ACAP2: variants seen among roughly 807,000 people sequenced by gnomAD.
ACAP2 encodes arf-GAP with coiled-coil, ANK repeat and PH domain-containing protein 2.
ACAP2 carries 39 observed loss-of-function variants against 115.8 expected under a neutral mutation model. The observed-to-expected ratio is 0.34, with a 90% confidence interval of 0.26 to 0.44. The LOEUF is 0.44. ACAP2 is among the 20% of genes least tolerant of loss of function. The pLI, the probability that ACAP2 is intolerant of heterozygous loss-of-function variation, is 1.00. For synonymous variants in ACAP2, 289 were observed against 315.8 expected, an observed-to-expected ratio of 0.92 and a Z score of 0.90; for missense variants, 662 against 927.6, an observed-to-expected ratio of 0.71 and a Z score of 3.72.
chr3:195,321,621 CTT>C (rs34753938), intron 9 of ACAP2, among the ~76,000 whole-genome samples: 5 of 139,846 alleles, frequency 3.6e-5, no homozygotes, highest in Non-Finnish European at 7.8e-5. Context: ...TTTTTTTTTT[CTT>C]TTTTTTTTGA....
At chr3:195,356,178 C>G in intron 4 of ACAP2, 1 of 456,764 alleles carries the variant, frequency 2.2e-6, no homozygotes, top group Admixed American at 2.3e-5. Flanking sequence ...GAGGAAGAAT[C>G]TGCGCTGCAC....
Position 195,442,827 on chromosome 3 carries a change from G to A in ACAP2, c.21C>T (p.Phe7=), listed in dbSNP as rs971261194. Residue 7 remains phenylalanine (F), a synonymous_variant, in exon 1 of 23, where the codon TTC becomes TTT. Transcript: ENST00000326793. MKMTVD[F]EECLKDSPRF... ...GGGGCGAGTCCTTCAGACACTCCTC[G>A]AAATCCACAGTCATCTTCATCCTGC... 2.6e-6 allele frequency: 4 copies of A among 1,529,474 alleles called. No individual in the cohort carries two copies. The African/African-American group carries it at 4.3e-5, about 17-fold the overall frequency. The allele number at this position is 1,529,474 out of a possible 1,614,324, so 94.7% of individuals were successfully genotyped here.
chr3:195,351,314 G>C (rs951664787), intron 4 of ACAP2, among the ~76,000 whole-genome samples: 2 of 151,820 alleles, frequency 1.3e-5, no homozygotes, highest in Non-Finnish European at 2.9e-5. Flanking sequence ...ACAGAGTTTC[G>C]CCATGTTGCC....
chr3:195,287,529 G>A (rs1412447050), intron 21 of ACAP2, among the ~76,000 whole-genome samples: 1 of 152,004 alleles, frequency 6.6e-6, no homozygotes, highest in Non-Finnish European at 1.5e-5. Context: ...TGTTGCCCAG[G>A]CTTTTCTCCA....
At position 195,418,682 on chromosome 3, in the gene ACAP2, G is replaced by A. The variant is rs369970235; in HGVS notation, c.53+24113C>T. ...TGGCCTCAAGCAATCCTCCCACCAC[G>A]GCGTCCCCAAGTGCTGGGATTACAG... On this transcript the variant is annotated intron_variant, in intron 1 of 22. Coordinates refer to ENST00000326793, the MANE Select transcript of ACAP2 (RefSeq NM_012287.6). Among the ~76,000 whole-genome samples the A allele has an allele frequency of 1.2e-4, 19 of 152,158 alleles. 1 individual carries two copies. The highest frequency in any genetic ancestry group is 1.2e-3 in the South Asian group (6 of 4,824).
chr3:195,422,751 C>T (rs779508819), intron 1 of ACAP2, among the ~76,000 whole-genome samples: 12 of 152,230 alleles, frequency 7.9e-5, no homozygotes, highest in African/African-American at 2.9e-4. Context: ...TTAAGAGCTT[C>T]TCACTATGTT....
intron 12 of ACAP2, 31 bp from the exon 13 acceptor site, chr3:195,306,647 A>G (rs769092068): frequency 6.5e-7 from 1 of 1,545,008 alleles, no homozygotes; most frequent in South Asian, 1.2e-5. Flanking sequence ...GTTTTCTCAG[A>G]CACTAAGTTA....
intron 4 of ACAP2, among the ~76,000 whole-genome samples, chr3:195,351,441 C>CGTGTGTGTGT (rs56049053): frequency 5.3e-4 from 69 of 130,050 alleles, no homozygotes; most frequent in African/African-American, 1.9e-3. Context: ...TTTTCTTTTT[C>CGTGTGTGTGT]GTGTGTGTGT....
chr3:195,442,653 G>A, intron 1 of ACAP2, 142 bp downstream of exon 1: 1 of 842,602 alleles, frequency 1.2e-6, no homozygotes, highest in Non-Finnish European at 1.8e-6. Context: ...GCCCTCGCAG[G>A]GTGGGAAACG....
intron 1 of ACAP2, among the ~76,000 whole-genome samples, chr3:195,428,544 A>G (rs1714864403): frequency 6.6e-6 from 1 of 152,130 alleles, no homozygotes; most frequent in Admixed American, 6.5e-5. Flanking sequence ...TATTCAGTAC[A>G]ATAACAAGCT....
intron 4 of ACAP2, among the ~76,000 whole-genome samples, chr3:195,377,686 A>G (rs1244390639): frequency 1.3e-5 from 2 of 152,208 alleles, no homozygotes; most frequent in Non-Finnish European, 2.9e-5. Flanking sequence ...ACAAAACAAC[A>G]AAAAGGCCAG....
chr3:195,424,913 C>CT (rs1292321487), intron 1 of ACAP2, among the ~76,000 whole-genome samples: 2 of 58,740 alleles, frequency 3.4e-5, no homozygotes, highest in Admixed American at 3.0e-4. Flanking sequence ...GAGACCCTGT[C>CT]TTAAAAAAAA....
At chr3:195,301,930 AAAG>A in intron 14 of ACAP2, 33 bp downstream of exon 14, 2 of 1,597,000 alleles carry the variant, frequency 1.3e-6, no homozygotes, top group Non-Finnish European at 8.5e-7. Context: ...TGTTTATCCA[AAAG>A]AAGAAATTCT....
chr3:195,328,996 C>T (rs771141440), intron 8 of ACAP2, among the ~76,000 whole-genome samples: 1 of 150,736 alleles, frequency 6.6e-6, no homozygotes, highest in South Asian at 2.1e-4. Context: ...AGGAGAATGG[C>T]GTGAACCCGG....
At chr3:195,392,296 T>C (rs1734732314) in intron 1 of ACAP2, 149 bp from the exon 2 acceptor site, 2 of 637,644 alleles carry the variant, frequency 3.1e-6, no homozygotes, top group Non-Finnish European at 2.7e-6. Context: ...TTAGTATCAA[T>C]ACTTCATAAT....
At chr3:195,399,401 C>T (rs1220812773) in intron 1 of ACAP2, among the ~76,000 whole-genome samples, 1 of 152,126 alleles carries the variant, frequency 6.6e-6, no homozygotes, top group Non-Finnish European at 1.5e-5. Context: ...CCAGTCTGGT[C>T]TCGAACTCCT....
rs558268850 is a variant in ACAP2 at position 195,337,898 on chromosome 3, G to C, written c.529-922C>G. Among the ~76,000 whole-genome samples the C allele has an allele frequency of 7.0e-5, 10 of 143,436 alleles. No individual in the cohort carries two copies. In the South Asian group the frequency reaches 7.4e-4, roughly 11 times the overall value. 94.1% of individuals were successfully genotyped at this position (143,436 alleles called of 152,430 possible). ...ATTACCTTCCCACTTTCTGTACTCC[G>C]ACCTGAGCCCGGGGCCACTCCCACC... On this transcript the variant is annotated intron_variant, in intron 6 of 22. Coordinates refer to ENST00000326793, the MANE Select transcript of ACAP2 (RefSeq NM_012287.6).
At chr3:195,432,054 A>C (rs1190468670) in intron 1 of ACAP2, among the ~76,000 whole-genome samples, 1 of 152,178 alleles carries the variant, frequency 6.6e-6, no homozygotes, top group Non-Finnish European at 1.5e-5. Context: ...TAATTGGATT[A>C]TTTGTCCTTC....
At chr3:195,317,893 A>G (rs1436306572) in intron 10 of ACAP2, among the ~76,000 whole-genome samples, 2 of 152,178 alleles carry the variant, frequency 1.3e-5, no homozygotes, top group Non-Finnish European at 2.9e-5. Flanking sequence ...AGGAAAAAAA[A>G]AAGATTCATA....
Sources: gnomAD v4.1 joint callset for allele counts (sites outside exome capture counted in the v4.1 genomes callset) on GRCh38, gnomAD v4.1.1 for gene constraint, MANE v1.5 for transcripts, NCBI Gene and HGNC (gene_info 2026-07-23, HGNC 2026-07-21) for gene names.